CLIC5: variants seen among roughly 807,000 people sequenced by gnomAD.
The protein encoded by CLIC5 is chloride intracellular channel protein 5.
Under a neutral mutation model 24.7 loss-of-function variants are expected in CLIC5, and 20 were observed. The ratio of observed to expected loss-of-function variants is 0.81; its 90% CI spans 0.57 to 1.18. The LOEUF is 1.18. Ranked by LOEUF, CLIC5 falls within the 50% of genes most tolerant of loss-of-function variation. The pLI, the probability that CLIC5 is intolerant of heterozygous loss-of-function variation, is 0.00. For synonymous variants in CLIC5, 159 were observed against 135.6 expected (o/e 1.17, Z -1.20); for missense variants, 341 against 326.1 (o/e 1.05, Z -0.35).
chr6:46,073,199 G>T (rs1164741557), intron 1 of CLIC5, among the ~76,000 whole-genome samples: 1 of 152,168 alleles, frequency 6.6e-6, no homozygotes, highest in Non-Finnish European at 1.5e-5. Flanking sequence ...TGTGTTCCCA[G>T]CACTCTAATT....
intron 1 of CLIC5, among the ~76,000 whole-genome samples, chr6:46,069,331 A>G (rs1419485826): frequency 6.6e-6 from 1 of 152,170 alleles, no homozygotes; most frequent in Non-Finnish European, 1.5e-5. Flanking sequence ...AGCACATGTG[A>G]AAGAGAGAAG....
chr6:45,943,909 G>A (rs889404910), intron 3 of CLIC5, among the ~76,000 whole-genome samples: 3 of 151,994 alleles, frequency 2.0e-5, no homozygotes, highest in African/African-American at 4.8e-5. Flanking sequence ...TGTTAATCTC[G>A]CAACTTTCAG....
At chr6:45,885,738 G>T (rs944367639) in intron 6 of CLIC5, among the ~76,000 whole-genome samples, 1 of 152,196 alleles carries the variant, frequency 6.6e-6, no homozygotes, top group East Asian at 1.9e-4. Flanking sequence ...TCATTCTGGA[G>T]CTCCCAAATG....
chr6:46,117,514 G>A, the CLIC5 span, among the ~76,000 whole-genome samples: 1 of 152,146 alleles, frequency 6.6e-6, no homozygotes, highest in African/African-American at 2.4e-5. Flanking sequence ...TATCTTAAGT[G>A]GGCTATACTA....
the CLIC5 span, among the ~76,000 whole-genome samples, chr6:46,103,312 A>G: frequency 6.6e-6 from 1 of 152,326 alleles, no homozygotes; most frequent in Non-Finnish European, 1.5e-5. Context: ...CTTCTTTGAC[A>G]TACTTCGAGG....
chr6:45,893,034 A>T (rs554669850), intron 6 of CLIC5, among the ~76,000 whole-genome samples: 29 of 152,186 alleles, frequency 1.9e-4, no homozygotes, highest in Non-Finnish European at 3.1e-4. Flanking sequence ...CTTTTCTAGA[A>T]TTAAATAACC....
At chr6:46,058,075 ATGTG>A (rs138296904) in intron 1 of CLIC5, among the ~76,000 whole-genome samples, 12 of 78,368 alleles carry the variant, frequency 1.5e-4, no homozygotes, top group Non-Finnish European at 2.9e-4. Flanking sequence ...ACCATTGTGT[ATGTG>A]TGTGTGTGTG....
At chr6:45,925,002 C>T (rs1276908500) in intron 4 of CLIC5, among the ~76,000 whole-genome samples, 1 of 152,162 alleles carries the variant, frequency 6.6e-6, no homozygotes, top group Non-Finnish European at 1.5e-5. Context: ...ATGAAAGTCA[C>T]ACACGAAAGA....
intron 1 of CLIC5, among the ~76,000 whole-genome samples, chr6:46,067,017 A>G (rs1762461379): frequency 6.6e-6 from 1 of 152,122 alleles, no homozygotes; most frequent in South Asian, 2.1e-4. Flanking sequence ...CAGAACATGC[A>G]AAGGCTTTGT....
At chr6:46,011,306 T>C (rs1766800238) in intron 1 of CLIC5, among the ~76,000 whole-genome samples, 1 of 152,228 alleles carries the variant, frequency 6.6e-6, no homozygotes. Context: ...TTAGAAGTTC[T>C]GGACATTTAA....
chr6:46,075,835 C>G (rs1435580201), intron 1 of CLIC5, among the ~76,000 whole-genome samples: 1 of 152,176 alleles, frequency 6.6e-6, no homozygotes, highest in Non-Finnish European at 1.5e-5. Flanking sequence ...TCAGCTTTCT[C>G]ATTCGCACAT....
At chr6:45,926,507 C>T (rs780037947) in intron 4 of CLIC5, among the ~76,000 whole-genome samples, 68 of 151,894 alleles carry the variant, frequency 4.5e-4, no homozygotes, top group Non-Finnish European at 7.9e-4. Context: ...CCGCCCCCCT[C>T]GGCTTCCCAA....
intron 1 of CLIC5, among the ~76,000 whole-genome samples, chr6:46,009,629 C>T (rs1766729650): frequency 2.0e-5 from 3 of 152,166 alleles, no homozygotes; most frequent in Non-Finnish European, 4.4e-5. Context: ...GACATTTTCC[C>T]CATAATCCTG....
chr6:45,890,584 A>G (rs772017224), intron 6 of CLIC5, among the ~76,000 whole-genome samples: 18 of 152,212 alleles, frequency 1.2e-4, no homozygotes, highest in Non-Finnish European at 2.2e-4. Flanking sequence ...AGGAATTGTA[A>G]TCAGTGTGCT....
intron 1 of CLIC5, among the ~76,000 whole-genome samples, chr6:46,048,346 G>A (rs181454789): frequency 1.6e-4 from 25 of 152,224 alleles, no homozygotes; most frequent in African/African-American, 5.3e-4. Flanking sequence ...TGTTTCTGAA[G>A]GAGGGCTCCT....
the CLIC5 span, among the ~76,000 whole-genome samples, chr6:46,094,413 T>C: frequency 6.6e-6 from 1 of 152,172 alleles, no homozygotes; most frequent in Non-Finnish European, 1.5e-5. Context: ...CCTATGAGCC[T>C]GTAAAATAAA....
chr6:46,029,499 C>T (rs892924472), intron 1 of CLIC5, among the ~76,000 whole-genome samples: 1 of 152,224 alleles, frequency 6.6e-6, no homozygotes, highest in South Asian at 2.1e-4. Flanking sequence ...GGACTAGCCT[C>T]TGTGACTCTC....
At chr6:45,939,431 A>G (rs559540661) in intron 4 of CLIC5, among the ~76,000 whole-genome samples, 6 of 151,790 alleles carry the variant, frequency 4.0e-5, no homozygotes, top group African/African-American at 1.4e-4. Context: ...ACCTCAGGTG[A>G]TCCACCCACC....
At chr6:46,037,702 CA>C (rs1287038672) in intron 1 of CLIC5, among the ~76,000 whole-genome samples, 3 of 152,144 alleles carry the variant, frequency 2.0e-5, no homozygotes, top group Non-Finnish European at 4.4e-5. Context: ...TAGCACTATT[CA>C]TTGATAAGGA....
Sources: allele counts gnomAD v4.1 joint callset (sites outside exome capture counted in the v4.1 genomes callset), GRCh38; gene constraint gnomAD v4.1.1; transcripts MANE v1.5; gene names NCBI Gene and HGNC (gene_info 2026-07-23, HGNC 2026-07-21).